SCML2: variants seen among roughly 807,000 people sequenced by gnomAD.
SCML2 encodes sex comb on midleg-like protein 2.
A neutral mutation model predicts 48.4 loss-of-function variants in SCML2; 6 were observed. The ratio of observed to expected loss-of-function variants is 0.12; its 90% CI spans 0.07 to 0.24. SCML2 has a LOEUF of 0.24. Ranked by LOEUF, SCML2 falls within the 10% of genes least tolerant of loss-of-function variation. The probability of loss-of-function intolerance (pLI) is 1.00; values close to 1 mark genes in which losing one functional copy is unlikely to be tolerated. For missense variants in SCML2, 377 were observed against 528.2 expected, an observed-to-expected ratio of 0.71 and a Z score of 2.81; for synonymous variants, 181 against 189.5, an observed-to-expected ratio of 0.95 and a Z score of 0.37.
chrX:18,242,620 T>C, intron 13 of SCML2, 30 bp from the exon 14 acceptor site: 3 of 1,175,753 alleles, frequency 2.6e-6, no homozygotes, highest in South Asian at 1.9e-5. Context: ...AGACAAATCA[T>C]ACTTGACCTG....
intron 7 of SCML2, among the ~76,000 whole-genome samples, chrX:18,274,298 C>T (rs1435170548): frequency 8.9e-6 from 1 of 111,872 alleles, no homozygotes; most frequent in Non-Finnish European, 1.9e-5. Context: ...CCTGTATGTT[C>T]CTCTTCCCAC....
chrX:18,349,162 T>C (rs958718968), intron 1 of SCML2, among the ~76,000 whole-genome samples: 3 of 112,360 alleles, frequency 2.7e-5, no homozygotes, highest in Non-Finnish European at 3.8e-5. Flanking sequence ...AATTGTAATA[T>C]ATCTGTCCCT....
intron 7 of SCML2, among the ~76,000 whole-genome samples, chrX:18,282,795 A>T (rs1927912338): frequency 8.9e-6 from 1 of 111,854 alleles, no homozygotes; most frequent in Non-Finnish European, 1.9e-5. Context: ...AAATTGAATC[A>T]GTAATAAAAA....
intron 12 of SCML2, among the ~76,000 whole-genome samples, chrX:18,247,495 A>G (rs1926490466): frequency 8.9e-6 from 1 of 112,226 alleles, no homozygotes; most frequent in African/African-American, 3.2e-5. Flanking sequence ...GAAAGGCAGT[A>G]GGTTTTTCTA....
intron 7 of SCML2, among the ~76,000 whole-genome samples, chrX:18,284,432 T>C (rs1927971964): frequency 8.9e-6 from 1 of 111,781 alleles, no homozygotes; most frequent in African/African-American, 3.3e-5. Flanking sequence ...CAAAGGAGCT[T>C]CTGCACAGCC....
chrX:18,307,570 G>A (rs1057245085), intron 6 of SCML2, among the ~76,000 whole-genome samples: 6 of 112,044 alleles, frequency 5.4e-5, no homozygotes, highest in African/African-American at 1.6e-4. Flanking sequence ...ATAACAGACT[G>A]AGACTTTCTG....
At chrX:18,245,510 A>C (rs1926411602) in intron 13 of SCML2, among the ~76,000 whole-genome samples, 1 of 112,305 alleles carries the variant, frequency 8.9e-6, no homozygotes, top group Admixed American at 9.4e-5. Flanking sequence ...TGGGGCTGAC[A>C]ACATTAAATG....
intron 7 of SCML2, among the ~76,000 whole-genome samples, chrX:18,292,846 GACTT>G (rs1407812829): frequency 9.0e-6 from 1 of 111,003 alleles, no homozygotes; most frequent in Non-Finnish European, 1.9e-5. Context: ...TATTTGAGGG[GACTT>G]ACTTTTTTCA....
chrX:18,242,380 C>T, intron 14 of SCML2, 59 bp downstream of exon 14: 1 of 1,107,685 alleles, frequency 9.0e-7, no homozygotes, highest in Non-Finnish European at 1.2e-6. Flanking sequence ...AATGAAGGGC[C>T]TGCACAGAGG....
intron 5 of SCML2, 105 bp downstream of exon 5, chrX:18,323,754 T>C (rs1929392954): frequency 3.5e-6 from 2 of 569,503 alleles, no homozygotes; most frequent in African/African-American, 2.3e-5. Flanking sequence ...TGACCATCTA[T>C]TTGCAAGAAT....
chrX:18,248,926 G>T, intron 11 of SCML2, among the ~76,000 whole-genome samples: 1 of 111,567 alleles, frequency 9.0e-6, no homozygotes, highest in Middle Eastern at 4.6e-3. Flanking sequence ...TATCAAGCTG[G>T]GTATGGTCTA....
intron 1 of SCML2, among the ~76,000 whole-genome samples, chrX:18,336,715 C>T (rs371002390): frequency 6.4e-5 from 7 of 109,648 alleles, no homozygotes; most frequent in South Asian, 3.9e-4. Flanking sequence ...CCAGCCTGGG[C>T]GACAGAGCGA....
At chrX:18,323,622 T>C (rs1428678014) in intron 5 of SCML2, among the ~76,000 whole-genome samples, 2 of 111,677 alleles carry the variant, frequency 1.8e-5, no homozygotes, top group African/African-American at 6.5e-5. Context: ...AGACCTAGCA[T>C]GAGTCTTGCC....
chrX:18,265,365 G>A (rs1329778620), intron 8 of SCML2, among the ~76,000 whole-genome samples: 1 of 112,216 alleles, frequency 8.9e-6, no homozygotes, highest in Non-Finnish European at 1.9e-5. Context: ...TACTTTCATT[G>A]TGGTTTTGAA....
chrX:18,347,888 T>TA (rs1439373118), intron 1 of SCML2, among the ~76,000 whole-genome samples: 1 of 110,709 alleles, frequency 9.0e-6, no homozygotes, highest in South Asian at 3.8e-4. Context: ...TATGCTTTAG[T>TA]AAAGAGTCCA....
intron 1 of SCML2, among the ~76,000 whole-genome samples, chrX:18,346,911 T>C (rs1485676170): frequency 1.8e-5 from 2 of 111,918 alleles, no homozygotes; most frequent in East Asian, 5.6e-4. Context: ...TAATAGTGAT[T>C]ATCCTAATAC....
At chrX:18,302,593 T>C (rs1039948558) in intron 7 of SCML2, among the ~76,000 whole-genome samples, 3 of 111,710 alleles carry the variant, frequency 2.7e-5, no homozygotes, top group African/African-American at 9.8e-5. Flanking sequence ...CACAAGGTTC[T>C]GTCCTGGTCC....
At chrX:18,291,356 CAAGT>C (rs1928227665) in intron 7 of SCML2, among the ~76,000 whole-genome samples, 1 of 111,775 alleles carries the variant, frequency 8.9e-6, no homozygotes, top group Non-Finnish European at 1.9e-5. Flanking sequence ...ATTTTCTATC[CAAGT>C]AAGTTTCTCA....
chrX:18,350,153 G>A (rs1310120467), intron 1 of SCML2, among the ~76,000 whole-genome samples: 2 of 110,197 alleles, frequency 1.8e-5, no homozygotes, highest in East Asian at 2.9e-4. Flanking sequence ...GGTGATGCAC[G>A]CCTGTAATCC....
Sources: allele counts gnomAD v4.1 joint callset (sites outside exome capture counted in the v4.1 genomes callset), GRCh38; gene constraint gnomAD v4.1.1; transcripts MANE v1.5; gene names NCBI Gene and HGNC (gene_info 2026-07-23, HGNC 2026-07-21).